XIRP2: variants seen among roughly 807,000 people sequenced by gnomAD.
The protein encoded by XIRP2 is xin actin binding repeat containing 2, also known as xin actin-binding repeat-containing protein 2.
XIRP2 carries 236 observed loss-of-function variants against 277.0 expected under a neutral mutation model. That is an observed-to-expected ratio of 0.85 (90% CI 0.77 to 0.95). The LOEUF (loss-of-function observed/expected upper bound fraction) is 0.95, where lower values mean the gene tolerates loss of function less well. Among genes scored for constraint, XIRP2 ranks in the 40% least tolerant of loss-of-function variants. The pLI is 0.00. For missense variants in XIRP2, 4,640 were observed against 4,157.5 expected (o/e 1.12, Z -3.19); for synonymous variants, 1,490 against 1,416.5 (o/e 1.05, Z -1.17).
chr2:166,983,890 CA>C (rs1226278735), intron 2 of XIRP2, among the ~76,000 whole-genome samples: 1 of 152,196 alleles, frequency 6.6e-6, no homozygotes, highest in African/African-American at 2.4e-5. Flanking sequence ...AATTATGCCA[CA>C]TGAACAAATG....
chr2:167,246,269 G>C lies in XIRP2; in HGVS notation c.4877G>C (p.Ser1626Thr). The C allele has an allele frequency of 6.2e-7, 1 of 1,613,376 alleles. No homozygotes were observed. The highest frequency in any genetic ancestry group is 1.3e-5 in the African/African-American group (1 of 74,982). ...TGTACTGAAAGAGAGATTTTGATTA[G>C]TGAAGAAGAGAAGGGAAATGTTAAT... is the stretch of plus-strand genomic sequence containing the variant. ...RDCTEREILISEEEKGNVNLT... is the reference protein window; with the variant it reads ...RDCTEREILITEEEKGNVNLT... The change falls in exon 9 of 11, where the codon AGT becomes ACT. Residue 1626 changes from serine to threonine, a missense_variant. By Grantham distance (58) the Ser-to-Thr change is moderately conservative (BLOSUM62 1). Coordinates refer to ENST00000409195, the MANE Select transcript of XIRP2 (RefSeq NM_152381.6).
chr2:167,245,934 G>A lies in XIRP2; in HGVS notation c.4542G>A (p.Lys1514=). Residue 1514 remains lysine (K), a synonymous_variant, in exon 9 of 11, where the codon AAG becomes AAA. Transcript: ENST00000409195. ...EAHKGITKMT[K]EEIPPSDVKT... The stretch of plus-strand genomic sequence containing the variant: ...ATAAAGGTATCACAAAAATGACCAA[G>A]GAAGAAATCCCTCCTTCTGATGTCA... 2.5e-6 allele frequency: 4 copies of A among 1,613,568 alleles called. No individual in the cohort carries two copies. The South Asian group carries it at 4.4e-5, about 18-fold the overall frequency.
chr2:167,220,893 T>G (rs746080680), intron 5 of XIRP2, among the ~76,000 whole-genome samples: 1 of 152,190 alleles, frequency 6.6e-6, no homozygotes, highest in Non-Finnish European at 1.5e-5. Flanking sequence ...ATAATATATG[T>G]AGTCCCTGCT....
intron 2 of XIRP2, among the ~76,000 whole-genome samples, chr2:167,056,710 G>C (rs1689045916): frequency 6.6e-6 from 1 of 152,054 alleles, no homozygotes; most frequent in Non-Finnish European, 1.5e-5. Flanking sequence ...ATTTTTATTT[G>C]TTTAGAATAG....
chr2:166,920,568 C>T (rs1377916347), intron 2 of XIRP2, among the ~76,000 whole-genome samples: 3 of 152,144 alleles, frequency 2.0e-5, no homozygotes, highest in African/African-American at 7.2e-5. Context: ...TTCTCATAGT[C>T]AGTGCCATTT....
At position 166,896,330 on chromosome 2, in the gene XIRP2, T is replaced by C. The variant is rs569120622; in HGVS notation, c.-18-7135T>C. ...TTCCAGAAGAAGGCATTATTATCAG[T>C]GGAGATGACCGCTCCGTTTCATGTT... On this transcript the variant is annotated intron_variant, in intron 1 of 10. Transcript: ENST00000409195. Among the ~76,000 whole-genome samples, 34 of 152,238 alleles carry C rather than the reference T, an allele frequency of 2.2e-4. No individual in the cohort carries two copies. The South Asian group carries it at 4.6e-3, about 20-fold the overall frequency.
chr2:167,024,063 T>C (rs562092630), intron 2 of XIRP2, among the ~76,000 whole-genome samples: 2 of 152,050 alleles, frequency 1.3e-5, no homozygotes, highest in African/African-American at 4.8e-5. Context: ...GCCATTTTCA[T>C]GATATTGATT....
At chr2:166,988,729 T>A (rs1404551319) in intron 2 of XIRP2, among the ~76,000 whole-genome samples, 7 of 76,030 alleles carry the variant, frequency 9.2e-5, no homozygotes, top group Non-Finnish European at 1.5e-4. Context: ...ATCGGGTCAC[T>A]CCCACCCGAA....
intron 2 of XIRP2, among the ~76,000 whole-genome samples, chr2:166,928,091 A>G (rs1685237925): frequency 6.6e-6 from 1 of 152,138 alleles, no homozygotes; most frequent in African/African-American, 2.4e-5. Flanking sequence ...GAGTTCCGTC[A>G]TTTTACAGAG....
At chr2:167,222,967 A>C (rs1335070054) in intron 5 of XIRP2, among the ~76,000 whole-genome samples, 1 of 152,132 alleles carries the variant, frequency 6.6e-6, no homozygotes, top group Non-Finnish European at 1.5e-5. Context: ...TAGAATATTT[A>C]CAGAGTTGTG....
chr2:167,023,736 T>C (rs548150520), intron 2 of XIRP2, among the ~76,000 whole-genome samples: 2 of 152,308 alleles, frequency 1.3e-5, no homozygotes, highest in African/African-American at 4.8e-5. Context: ...TGCTTGATTT[T>C]CTCGGGTTTG....
intron 2 of XIRP2, among the ~76,000 whole-genome samples, chr2:167,086,130 C>A (rs1689934375): frequency 6.6e-6 from 1 of 151,986 alleles, no homozygotes. Context: ...TCTTTTAGGG[C>A]TGGCCTGGTG....
intron 5 of XIRP2, among the ~76,000 whole-genome samples, chr2:167,230,108 G>A (rs371383394): frequency 6.6e-6 from 1 of 152,108 alleles, no homozygotes; most frequent in African/African-American, 2.4e-5. Flanking sequence ...ACCCTTGGGT[G>A]AATATCAGTG....
intron 3 of XIRP2, among the ~76,000 whole-genome samples, chr2:167,172,000 G>A (rs1692706813): frequency 6.6e-6 from 1 of 152,190 alleles, no homozygotes; most frequent in Non-Finnish European, 1.5e-5. Flanking sequence ...GGCATGCGAT[G>A]CGTAGTAATC....
intron 2 of XIRP2, among the ~76,000 whole-genome samples, chr2:167,003,973 T>G (rs932308593): frequency 3.3e-5 from 5 of 151,982 alleles, no homozygotes; most frequent in Non-Finnish European, 2.9e-5. Context: ...TGGAAGGTTT[T>G]AAATTATCGA....
At chr2:167,157,600 A>G (rs1692238442) in intron 3 of XIRP2, among the ~76,000 whole-genome samples, 1 of 152,132 alleles carries the variant, frequency 6.6e-6, no homozygotes, top group African/African-American at 2.4e-5. Flanking sequence ...CACGAAGTTC[A>G]CTAAAAATAA....
chr2:166,944,463 GT>G (rs1685800761), intron 2 of XIRP2, among the ~76,000 whole-genome samples: 1 of 152,178 alleles, frequency 6.6e-6, no homozygotes, highest in Non-Finnish European at 1.5e-5. Context: ...ATCTGGAATA[GT>G]TACTATGTTA....
chr2:166,898,240 G>A (rs1684294081), intron 1 of XIRP2, among the ~76,000 whole-genome samples: 1 of 152,092 alleles, frequency 6.6e-6, no homozygotes, highest in East Asian at 1.9e-4. Context: ...AATTAGAAGT[G>A]CTTAAAGGGA....
chr2:166,891,515 A>G (rs1021147737), intron 1 of XIRP2, among the ~76,000 whole-genome samples: 9 of 152,200 alleles, frequency 5.9e-5, no homozygotes, highest in Non-Finnish European at 1.2e-4. Flanking sequence ...TTTCCTTAAT[A>G]TTGAAAATGC....
Sources: allele counts gnomAD v4.1 joint callset (sites outside exome capture counted in the v4.1 genomes callset), GRCh38; gene constraint gnomAD v4.1.1; transcripts MANE v1.5; gene names NCBI Gene and HGNC (gene_info 2026-07-23, HGNC 2026-07-21).